The following PLEKHG4B variants were observed in gnomAD, a reference collection of about 807,000 sequenced individuals.
The protein encoded by PLEKHG4B is pleckstrin homology domain-containing family G member 4B.
Under a neutral mutation model 121.3 loss-of-function variants are expected in PLEKHG4B, and 111 were observed. The observed-to-expected ratio is 0.92, with a 90% CI of 0.78 to 1.07. The LOEUF (loss-of-function observed/expected upper bound fraction) is 1.07. PLEKHG4B is among the 50% of genes least tolerant of loss of function. The probability of loss-of-function intolerance (pLI) is 0.00; values close to 1 mark genes in which losing one functional copy is unlikely to be tolerated. For synonymous variants in PLEKHG4B, 738 were observed against 725.0 expected (o/e 1.02, Z -0.29); for missense variants, 1,831 against 1,757.8 (o/e 1.04, Z -0.74).
rs183982577 is a variant in PLEKHG4B, at chr5:102,203, G to A, written c.45+9927G>A. 4.6e-4 allele frequency among the ~76,000 whole-genome samples: 69 copies of A among 151,482 alleles called. 1 individual carries two copies. The highest frequency in any genetic ancestry group is 1.3e-3 in the African/African-American group (55 of 40,806). On this transcript the variant is annotated intron_variant, in intron 1 of 19. Coordinates refer to ENST00000637938, the MANE Select transcript of PLEKHG4B (RefSeq NM_052909.5). Reference sequence around the variant, plus strand: ...ATATAAATCCCTGGAAGAAGTAGTAGGGAAAGACTGTTGTGAGATTAATCC... The same window carrying A: ...ATATAAATCCCTGGAAGAAGTAGTAAGGAAAGACTGTTGTGAGATTAATCC...
At chr5:178,839 T>C (rs2126465201) in intron 18 of PLEKHG4B, among the ~76,000 whole-genome samples, 1 of 152,356 alleles carries the variant, frequency 6.6e-6, no homozygotes, top group East Asian at 1.9e-4. Context: ...GTCGCTGATA[T>C]AAAATGGAAC....
chr5:143,185 C>T lies in PLEKHG4B; in HGVS notation c.1616C>T (p.Pro539Leu), dbSNP rs1022561675. The change falls in exon 4 of 20, where the codon CCC becomes CTC. Residue 539 changes from proline (P) to leucine (L), a missense_variant. Transcript: ENST00000637938. ...EGWPPGTGDF[P>L]SQVPKQVLDV... is the part of the protein sequence containing the mutation. ...TGGCCACCCGGCACAGGAGACTTCC[C>T]CAGCCAGGTGCCCAAGCAGGTGCTG... 11 of 1,611,746 alleles carry T rather than the reference C, an allele frequency of 6.8e-6. No individual in the cohort carries two copies. The South Asian group carries it at 9.9e-5, about 14-fold the overall frequency.
intron 3 of PLEKHG4B, among the ~76,000 whole-genome samples, chr5:141,623 G>A (rs1034346035): frequency 6.6e-6 from 1 of 151,776 alleles, no homozygotes; most frequent in Non-Finnish European, 1.5e-5. Context: ...GTTTCCAAGG[G>A]TTAGGAGAGA....
intron 1 of PLEKHG4B, among the ~76,000 whole-genome samples, chr5:112,091 T>C (rs1466553072): frequency 1.3e-5 from 2 of 152,210 alleles, no homozygotes; most frequent in Non-Finnish European, 2.9e-5. Context: ...ATCATTCCTG[T>C]CAACAAGTGA....
rs368819636 is a variant in PLEKHG4B, at chr5:143,414, G to T, written c.1722G>T (p.Gln574His). The change falls in exon 5 of 20, where the codon CAG becomes CAT. Residue 574 changes from glutamine to histidine, a missense_variant. Gln to His is a conservative substitution (Grantham distance 24). Transcript: ENST00000637938. ...ACCGTCATGGCAGAGCAGTGGTGCAGGTCCGCACCAGGAGCCTGCTCTGGA... is the reference window on the plus strand; with the variant it reads ...ACCGTCATGGCAGAGCAGTGGTGCATGTCCGCACCAGGAGCCTGCTCTGGA... Reference protein sequence around the residue: ...TRDRHGRAVVQVRTRSLLWTR... With the variant: ...TRDRHGRAVVHVRTRSLLWTR... 1.2e-6 allele frequency: 2 copies of T among 1,612,874 alleles called. No individual in the cohort carries two copies. Among genetic ancestry groups the T allele is most frequent in the Non-Finnish European group, 1.7e-6 (2 of 1,179,998 alleles).
chr5:92,631 C>T (rs994589561), intron 1 of PLEKHG4B, among the ~76,000 whole-genome samples: 2 of 151,632 alleles, frequency 1.3e-5, no homozygotes, highest in African/African-American at 4.8e-5. Flanking sequence ...CGGGAGGGAG[C>T]TTCTTCAGGC....
chr5:95,463 G>A lies in PLEKHG4B; in HGVS notation c.45+3187G>A, dbSNP rs821977. On this transcript the variant is annotated intron_variant, in intron 1 of 19. Coordinates refer to ENST00000637938, the MANE Select transcript of PLEKHG4B (RefSeq NM_052909.5). Reference sequence around the variant, plus strand: ...GGGTCTGCATACGATGGTCAGAGCCGACTTCGCCATGCCCTGTCTCTTGCC... The same window carrying A: ...GGGTCTGCATACGATGGTCAGAGCCAACTTCGCCATGCCCTGTCTCTTGCC... Among the ~76,000 whole-genome samples, 10 of 152,286 alleles carry A rather than the reference G, an allele frequency of 6.6e-5. No homozygotes were observed. In the South Asian group the frequency reaches 1.2e-3, roughly 19 times the overall value.
intron 11 of PLEKHG4B, 98 bp from the exon 12 acceptor site, chr5:161,685 G>A (rs1250087318): frequency 1.3e-6 from 2 of 1,543,374 alleles, no homozygotes; most frequent in South Asian, 1.1e-5. Flanking sequence ...GGCCGTCCGA[G>A]CCTTGGTGCC....
At chr5:99,694 C>T (rs911165748) in intron 1 of PLEKHG4B, among the ~76,000 whole-genome samples, 4 of 152,042 alleles carry the variant, frequency 2.6e-5, no homozygotes, top group African/African-American at 9.7e-5. Flanking sequence ...TTTCCTTCTT[C>T]CTTTCCAATT....
Position 112,418 on chromosome 5 carries a change from A to G in PLEKHG4B, c.46-833A>G, listed in dbSNP as rs142245636. 3.3e-4 allele frequency among the ~76,000 whole-genome samples: 51 copies of G among 152,390 alleles called. No homozygotes were observed. In the East Asian group the frequency reaches 9.8e-3, roughly 29 times the overall value. ...CTCATGTAACTGTCGTGCCATTATA[A>G]AAACTGACTTCACAATTTTTAGCTT... On this transcript the variant is annotated intron_variant, in intron 1 of 19. Coordinates refer to ENST00000637938, the MANE Select transcript of PLEKHG4B (RefSeq NM_052909.5).
intron 3 of PLEKHG4B, among the ~76,000 whole-genome samples, chr5:141,950 A>G (rs1579281283): frequency 1.3e-5 from 2 of 152,224 alleles, no homozygotes; most frequent in South Asian, 4.1e-4. Flanking sequence ...AGGGGCTCGG[A>G]GGCAATGGCA....
intron 13 of PLEKHG4B, chr5:169,018 G>T: frequency 3.0e-6 from 1 of 330,124 alleles, no homozygotes; most frequent in South Asian, 2.9e-5. Flanking sequence ...TGGGACTATA[G>T]GTGCCTGCCA....
At chr5:154,767 C>A in intron 7 of PLEKHG4B, 108 bp from the exon 8 acceptor site, 1 of 832,960 alleles carries the variant, frequency 1.2e-6, no homozygotes. Flanking sequence ...GGGCGATACT[C>A]CTTGAGCCAG....
At chr5:131,006 A>G (rs2126381395) in intron 2 of PLEKHG4B, among the ~76,000 whole-genome samples, 1 of 152,272 alleles carries the variant, frequency 6.6e-6, no homozygotes, top group South Asian at 2.1e-4. Context: ...CTTGATGTAC[A>G]TTCCACTTGG....
At position 156,223 on chromosome 5, in the gene PLEKHG4B, AG is replaced by A; in HGVS notation, c.2348+17del. 1.3e-6 allele frequency: 2 copies of A among 1,487,852 alleles called. No homozygotes were observed. Among genetic ancestry groups the A allele is most frequent in the Non-Finnish European group, 9.0e-7 (1 of 1,112,318 alleles). 92.2% of individuals were successfully genotyped at this position (1,487,852 alleles called of 1,614,324 possible). A position where few individuals can be genotyped will look rare whatever the true frequency, so the allele number is the denominator to read the frequency against. Reference sequence around the variant, plus strand: ...CAGAAGACAGCCGGTGAGCGCTCACAGGGGTCATGCTGGGCCCTGGCCCATC... The same window carrying A: ...CAGAAGACAGCCGGTGAGCGCTCACAGGGTCATGCTGGGCCCTGGCCCATC... On this transcript the variant is annotated intron_variant, in intron 10 of 19. Coordinates refer to ENST00000637938, the MANE Select transcript of PLEKHG4B (RefSeq NM_052909.5). The surrounding 1 kb of genome is among the most constrained non-coding windows in gnomAD (Gnocchi z 4.4).
intron 17 of PLEKHG4B, 25 bp downstream of exon 17, chr5:173,092 G>T (rs1038457489): frequency 5.0e-6 from 8 of 1,608,980 alleles, no homozygotes; most frequent in East Asian, 4.5e-5. Context: ...GTCCGATTGG[G>T]TGCAGGCCGA....
At chr5:107,356 C>T (rs1734006721) in intron 1 of PLEKHG4B, among the ~76,000 whole-genome samples, 1 of 152,224 alleles carries the variant, frequency 6.6e-6, no homozygotes, top group African/African-American at 2.4e-5. Flanking sequence ...CCTGGGCACC[C>T]AGGCCCTGGC....
chr5:154,981 G>A lies in PLEKHG4B; in HGVS notation c.2099G>A (p.Cys700Tyr). The change falls in exon 8 of 20, where the codon TGC becomes TAC. Residue 700 changes from cysteine (C) to tyrosine (Y), a missense_variant. Physicochemically the swap from Cys to Tyr is radical, Grantham distance 194. Coordinates refer to ENST00000637938, the MANE Select transcript of PLEKHG4B (RefSeq NM_052909.5). ...CCCTACAGCCATGGTGACTGGATCT[G>A]CTTCCGTCAGGTAGGTTCAGCCTGC... ...SFPYSHGDWI[C>Y]FRQRLEHFAA... 6.2e-7 allele frequency: 1 copy of A among 1,612,402 alleles called. No homozygotes were observed. The highest frequency in any genetic ancestry group is 1.1e-5 in the South Asian group (1 of 91,074).
Position 182,089 on chromosome 5 carries a change from C to T in PLEKHG4B, c.4650C>T (p.Ser1550=). 1 of 1,614,176 alleles carries T rather than the reference C, an allele frequency of 6.2e-7. No individual in the cohort carries two copies. The highest frequency in any genetic ancestry group is 8.5e-7 in the Non-Finnish European group (1 of 1,180,046). ...GACCACACTCCACCATCTCAGACAGCAGCACCTCCTCTTCTAGCAGCCAGT... is the reference window on the plus strand; with the variant it reads ...GACCACACTCCACCATCTCAGACAGTAGCACCTCCTCTTCTAGCAGCCAGT... ...FKRPHSTISD[S]STSSSSSQSS... is the part of the protein sequence containing the mutation. The change falls in exon 20 of 20, where the codon AGC becomes AGT. Residue 1550 remains serine, a synonymous_variant. Coordinates refer to ENST00000637938, the MANE Select transcript of PLEKHG4B (RefSeq NM_052909.5).
Sources: gnomAD v4.1 joint callset for allele counts (sites outside exome capture counted in the v4.1 genomes callset) on GRCh38, gnomAD v4.1.1 for gene constraint, Gnocchi (gnomAD v3.1) non-coding constraint, MANE v1.5 for transcripts, NCBI Gene and HGNC (gene_info 2026-07-23, HGNC 2026-07-21) for gene names.